ZNF208: variants seen among roughly 807,000 people sequenced by gnomAD.
The protein encoded by ZNF208 is zinc finger protein 95.
In ZNF208, 10 loss-of-function variants were observed where a neutral mutation model predicts 12.1. That is an observed-to-expected ratio of 0.83 (90% CI 0.51 to 1.40). The LOEUF (loss-of-function observed/expected upper bound fraction) is 1.40, where lower values mean the gene tolerates loss of function less well. ZNF208 is among the 40% of genes most tolerant of loss of function. The probability of loss-of-function intolerance (pLI) is 0.00; values close to 1 mark genes in which losing one functional copy is unlikely to be tolerated. For missense variants in ZNF208, 1,652 were observed against 1,485.0 expected (o/e 1.11, Z -1.85); for synonymous variants, 497 against 488.4 (o/e 1.02, Z -0.23).
chr19:22,001,084 T>C (rs909004780), intron 1 of ZNF208, among the ~76,000 whole-genome samples: 1 of 151,886 alleles, frequency 6.6e-6, no homozygotes, highest in Non-Finnish European at 1.5e-5. Flanking sequence ...AGGTCAGGAG[T>C]TCGAGACCAG....
At chr19:21,965,574 T>TA (rs948860237), downstream of ZNF208, 1 of 152,068 alleles carries the variant, frequency 6.6e-6, no homozygotes. Context: ...AAAAGTACTC[T>TA]AAAAATACCT....
At chr19:21,999,952 T>C (rs1233342733) in intron 1 of ZNF208, among the ~76,000 whole-genome samples, 4 of 152,194 alleles carry the variant, frequency 2.6e-5, no homozygotes, top group Non-Finnish European at 4.4e-5. Context: ...TCTTGAACTC[T>C]TGGACATCTG....
downstream of ZNF208, among the ~76,000 whole-genome samples, chr19:21,964,862 G>A (rs893239581): frequency 6.6e-6 from 1 of 151,340 alleles, no homozygotes; most frequent in African/African-American, 2.4e-5. Context: ...CTTACAATGG[G>A]GTTTTAAATG....
intron 1 of ZNF208, among the ~76,000 whole-genome samples, chr19:22,003,777 T>C (rs1441286083): frequency 6.6e-6 from 1 of 152,162 alleles, no homozygotes; most frequent in Non-Finnish European, 1.5e-5. Context: ...AATTATTCTA[T>C]CCTAAAGACA....
intron 4 of ZNF208, chr19:21,941,456 A>T: frequency 2.5e-6 from 1 of 398,918 alleles, no homozygotes; most frequent in Non-Finnish European, 4.4e-6. Context: ...CAGTCACCAC[A>T]CAGTGAGTTA....
intron 4 of ZNF208, among the ~76,000 whole-genome samples, chr19:21,957,807 G>A (rs1392476994): frequency 6.6e-6 from 1 of 151,906 alleles, no homozygotes; most frequent in Non-Finnish European, 1.5e-5. Context: ...TCTATTGTGA[G>A]TAGCTTTTTT....
chr19:21,946,762 T>C (rs1165406717), intron 4 of ZNF208, among the ~76,000 whole-genome samples: 2 of 152,250 alleles, frequency 1.3e-5, no homozygotes, highest in African/African-American at 2.4e-5. Flanking sequence ...CCTGAAAACA[T>C]TGGCTCTGTT....
At chr19:21,951,352 A>C (rs1268291052) in intron 4 of ZNF208, among the ~76,000 whole-genome samples, 1 of 152,242 alleles carries the variant, frequency 6.6e-6, no homozygotes, top group African/African-American at 2.4e-5. Flanking sequence ...ACTGAAAATG[A>C]ATGTGTATGC....
At chr19:22,001,397 A>T (rs977760845) in intron 1 of ZNF208, among the ~76,000 whole-genome samples, 1 of 152,222 alleles carries the variant, frequency 6.6e-6, no homozygotes, top group African/African-American at 2.4e-5. Context: ...AGGACCAGAC[A>T]TACTCACAGC....
At chr19:22,005,014 C>T (rs980129729) in intron 1 of ZNF208, among the ~76,000 whole-genome samples, 1 of 152,166 alleles carries the variant, frequency 6.6e-6, no homozygotes, top group African/African-American at 2.4e-5. Flanking sequence ...TGGGGCTGTA[C>T]TCTGATTTAT....
intron 4 of ZNF208, chr19:21,941,068 A>AGGTGG (rs1467656868): frequency 6.7e-6 from 2 of 296,674 alleles, no homozygotes; most frequent in Non-Finnish European, 1.2e-5. Context: ...GGTGCCCCGC[A>AGGTGG]GAGGAGGCGG....
chr19:21,977,930 G>A (rs1970463465), intron 3 of ZNF208, among the ~76,000 whole-genome samples: 1 of 152,174 alleles, frequency 6.6e-6, no homozygotes, highest in Non-Finnish European at 1.5e-5. Flanking sequence ...GCTTGAGTAG[G>A]CAGCTTTACC....
At chr19:21,941,647 T>C (rs1335679462) in intron 4 of ZNF208, 5 of 365,896 alleles carry the variant, frequency 1.4e-5, no homozygotes, top group African/African-American at 2.1e-5. Flanking sequence ...TTTTTGATAG[T>C]CTTGCATTAG....
At chr19:21,959,240 A>G (rs968628074) in intron 4 of ZNF208, among the ~76,000 whole-genome samples, 50 of 152,210 alleles carry the variant, frequency 3.3e-4, no homozygotes, top group African/African-American at 1.2e-3. Context: ...GAATACAGCA[A>G]CATAATACTT....
chr19:21,954,386 C>T (rs1969938716), intron 4 of ZNF208, among the ~76,000 whole-genome samples: 1 of 152,116 alleles, frequency 6.6e-6, no homozygotes, highest in Non-Finnish European at 1.5e-5. Context: ...TCCTGGATAT[C>T]CTTGTTAACT....
chr19:21,975,214 T>A (rs546864368), intron 3 of ZNF208, among the ~76,000 whole-genome samples: 151 of 152,276 alleles, frequency 9.9e-4, no homozygotes, highest in Non-Finnish European at 1.8e-3. Flanking sequence ...GCACAAAAAA[T>A]TTAATTTATG....
chr19:21,988,600 C>A (rs1339099191), intron 2 of ZNF208, among the ~76,000 whole-genome samples, 183 bp downstream of exon 2: 1 of 152,124 alleles, frequency 6.6e-6, no homozygotes, highest in Non-Finnish European at 1.5e-5. Context: ...ATACAAAGGG[C>A]TATAGAAGCT....
Position 21,973,774 on chromosome 19 carries a change from A to C in ZNF208, c.1260T>G (p.Thr420=). The C allele has an allele frequency of 6.2e-7, 1 of 1,606,220 alleles. No individual in the cohort carries two copies. The highest frequency in any genetic ancestry group is 8.5e-7 in the Non-Finnish European group (1 of 1,173,738). ...CTTCACATTTGTAGGGTTTCTCTCC[A>C]GTATGAATGACCTCATGTTTAGTAA... ...SILTKHEVIH[T]GEKPYKCEEC... The change falls in exon 4 of 4, where the codon ACT becomes ACG. Residue 420 remains threonine (T), a synonymous_variant. Coordinates refer to ENST00000397126, the MANE Select transcript of ZNF208 (RefSeq NM_007153.3).
chr19:21,971,349 C>A lies in ZNF208; in HGVS notation c.3685G>T (p.Glu1229Ter). The A allele has an allele frequency of 1.2e-6, 2 of 1,611,428 alleles. No individual in the cohort carries two copies. Among genetic ancestry groups the A allele is most frequent in the Non-Finnish European group, 1.7e-6 (2 of 1,179,908 alleles). ...AACGTACTAAAGGCTTTGCCACATT[C>A]TTCACATTTGTAGGGTTTCTCTCCA... ...HTGEKPYKCE[E>*]CGKAFSTFSI... The change falls in exon 4 of 4, where the codon GAA becomes TAA. Residue 1229 changes from glutamate (E) to a stop codon, truncating the protein, a stop_gained. Transcript: ENST00000397126. LOFTEE classifies it low-confidence loss of function (END_TRUNC).
Sources: gnomAD v4.1 joint callset for allele counts (sites outside exome capture counted in the v4.1 genomes callset) on GRCh38, gnomAD v4.1.1 for gene constraint, MANE v1.5 for transcripts, NCBI Gene and HGNC (gene_info 2026-07-23, HGNC 2026-07-21) for gene names.